Variants in SDK1 observed in about 807,000 individuals in gnomAD.
SDK1 encodes the protein sidekick cell adhesion molecule 1.
SDK1 carries 157 observed loss-of-function variants against 245.5 expected under a neutral mutation model. That is an observed-to-expected ratio of 0.64 (90% confidence interval 0.56 to 0.73). The LOEUF (loss-of-function observed/expected upper bound fraction) is 0.73, where lower values mean the gene tolerates loss of function less well. SDK1 is among the 30% of genes least tolerant of loss of function. SDK1 has a pLI of 0.00. For synonymous variants in SDK1, 1,647 were observed against 1,278.5 expected, an observed-to-expected ratio of 1.29 and a Z score of -6.15; for missense variants, 3,583 against 3,002.3, an observed-to-expected ratio of 1.19 and a Z score of -4.52.
chr7:4,086,272 G>A (rs1311253234), intron 22 of SDK1, among the ~76,000 whole-genome samples: 1 of 152,130 alleles, frequency 6.6e-6, no homozygotes, highest in Non-Finnish European at 1.5e-5. Context: ...GACACGCATT[G>A]GGATGTGTAT....
intron 17 of SDK1, among the ~76,000 whole-genome samples, chr7:4,039,158 G>C (rs536503981): frequency 2.0e-5 from 3 of 146,578 alleles, no homozygotes; most frequent in Non-Finnish European, 3.0e-5. Flanking sequence ...GTTGTGGGGT[G>C]GGGGGAGCGG....
intron 4 of SDK1, among the ~76,000 whole-genome samples, chr7:3,819,045 G>C (rs1249102549): frequency 6.6e-6 from 1 of 152,174 alleles, no homozygotes; most frequent in African/African-American, 2.4e-5. Flanking sequence ...GTTTACAGCA[G>C]TTACCAGAAT....
chr7:3,439,646 T>A (rs1431544077), intron 1 of SDK1, among the ~76,000 whole-genome samples: 1 of 152,242 alleles, frequency 6.6e-6, no homozygotes, highest in East Asian at 1.9e-4. Context: ...TCAGTACATT[T>A]CTCTTTTTGA....
chr7:4,192,006 G>T (rs1470408470), intron 35 of SDK1, among the ~76,000 whole-genome samples: 1 of 152,168 alleles, frequency 6.6e-6, no homozygotes, highest in Non-Finnish European at 1.5e-5. Context: ...CTCCTCTCCA[G>T]CCACACTCTC....
At chr7:3,411,317 G>T (rs1562470723) in intron 1 of SDK1, among the ~76,000 whole-genome samples, 2 of 152,314 alleles carry the variant, frequency 1.3e-5, no homozygotes, top group East Asian at 1.9e-4. Context: ...AGAAAAGGCA[G>T]TTGGAGTCAC....
chr7:3,327,538 C>T (rs959638002), intron 1 of SDK1, among the ~76,000 whole-genome samples: 1 of 151,892 alleles, frequency 6.6e-6, no homozygotes, highest in Non-Finnish European at 1.5e-5. Context: ...AGGGATTTAG[C>T]GTTGAGATTT....
chr7:4,173,969 T>C (rs975751189), intron 32 of SDK1, among the ~76,000 whole-genome samples: 2 of 152,228 alleles, frequency 1.3e-5, no homozygotes, highest in Non-Finnish European at 2.9e-5. Context: ...GGATTTGAGC[T>C]GGACAGGGGT....
intron 44 of SDK1, among the ~76,000 whole-genome samples, chr7:4,260,738 T>C (rs1787944490): frequency 6.8e-6 from 1 of 147,298 alleles, no homozygotes. Context: ...GTGTTCATCG[T>C]CACCTGATGG....
At chr7:3,348,054 C>G (rs561256014) in intron 1 of SDK1, among the ~76,000 whole-genome samples, 1 of 152,068 alleles carries the variant, frequency 6.6e-6, no homozygotes, top group Non-Finnish European at 1.5e-5. Context: ...CTAGCTCAGC[C>G]CTGCACTTCT....
At chr7:4,201,740 A>G (rs114560983) in intron 35 of SDK1, among the ~76,000 whole-genome samples, 7,353 of 146,262 alleles carry the variant, frequency 0.05, 234 homozygotes, top group African/African-American at 0.095. Flanking sequence ...TTTGGCAACA[A>G]CAGATGACTG....
chr7:3,676,428 C>G (rs180810236), intron 4 of SDK1, among the ~76,000 whole-genome samples: 3 of 151,834 alleles, frequency 2.0e-5, no homozygotes, highest in East Asian at 3.9e-4. Context: ...CAGGTTCACA[C>G]CATTCTCCTG....
At chr7:3,415,804 C>T (rs1197221044) in intron 1 of SDK1, among the ~76,000 whole-genome samples, 2 of 151,776 alleles carry the variant, frequency 1.3e-5, no homozygotes, top group Non-Finnish European at 2.9e-5. Flanking sequence ...TTTTCTTCAC[C>T]AATTTCCATT....
chr7:4,193,372 T>TATA (rs1783348443), intron 35 of SDK1, among the ~76,000 whole-genome samples: 1 of 103,086 alleles, frequency 9.7e-6, no homozygotes, highest in African/African-American at 3.9e-5. Flanking sequence ...ATTAAAATAT[T>TATA]TATATATATA....
intron 14 of SDK1, among the ~76,000 whole-genome samples, chr7:3,989,713 C>G (rs1029556207): frequency 2.0e-5 from 3 of 152,314 alleles, no homozygotes; most frequent in Admixed American, 6.5e-5. Flanking sequence ...TCTGCCGTGG[C>G]TCTTCCCAGC....
intron 4 of SDK1, among the ~76,000 whole-genome samples, chr7:3,643,988 T>G (rs1443214762): frequency 6.6e-6 from 1 of 151,022 alleles, no homozygotes; most frequent in Non-Finnish European, 1.5e-5. Flanking sequence ...CTGCAACCTT[T>G]CCCTCCCAGG....
At chr7:3,369,692 T>C (rs1433719825) in intron 1 of SDK1, among the ~76,000 whole-genome samples, 1 of 152,246 alleles carries the variant, frequency 6.6e-6, no homozygotes, top group Non-Finnish European at 1.5e-5. Flanking sequence ...CTTTAAAGAA[T>C]TATTATAAAT....
At chr7:4,079,656 C>A (rs1284712925) in intron 22 of SDK1, 72 bp downstream of exon 22, 2 of 1,583,200 alleles carry the variant, frequency 1.3e-6, no homozygotes, top group African/African-American at 2.7e-5. Flanking sequence ...GAGTGGTACC[C>A]CTGCAGATGA....
intron 1 of SDK1, among the ~76,000 whole-genome samples, chr7:3,577,699 A>G (rs1780338538): frequency 6.6e-6 from 1 of 152,062 alleles, no homozygotes; most frequent in South Asian, 2.1e-4. Context: ...TAAACTGAGA[A>G]CTGAGCCCTT....
At chr7:4,129,345 G>T (rs190315474) in intron 26 of SDK1, among the ~76,000 whole-genome samples, 108 of 135,420 alleles carry the variant, frequency 8.0e-4, no homozygotes, top group South Asian at 3.0e-3. Context: ...GGGTGCCCTG[G>T]AGGACAGCAG....
Sources: allele counts gnomAD v4.1 joint callset (sites outside exome capture counted in the v4.1 genomes callset), GRCh38; gene constraint gnomAD v4.1.1; transcripts MANE v1.5; gene names NCBI Gene and HGNC (gene_info 2026-07-23, HGNC 2026-07-21).